Variants in TPST1 observed in about 807,000 individuals in gnomAD.
TPST1 encodes protein-tyrosine sulfotransferase 1.
TPST1 carries 20 observed loss-of-function variants against 34.8 expected under a neutral mutation model. That is an observed-to-expected ratio of 0.57 (90% CI 0.40 to 0.84). TPST1 has a LOEUF of 0.84. Among genes scored for constraint, TPST1 ranks in the 40% least tolerant of loss-of-function variants. The probability of loss-of-function intolerance (pLI) is 0.00; values close to 1 mark genes in which losing one functional copy is unlikely to be tolerated. For synonymous variants in TPST1, 152 were observed against 159.4 expected, an observed-to-expected ratio of 0.95 and a Z score of 0.35; for missense variants, 353 against 455.5, an observed-to-expected ratio of 0.78 and a Z score of 2.05.
At position 66,234,581 on chromosome 7, in the gene TPST1, C is replaced by A. The variant is rs189589706; in HGVS notation, c.-101-5744C>A. On this transcript the variant is annotated intron_variant, in intron 1 of 5. Coordinates refer to ENST00000304842, the MANE Select transcript of TPST1 (RefSeq NM_003596.4). ...GTGCTTGGAATTGCCAAGATGTGTC[C>A]AGATTGGGTCTGTTACCATTTGTTT... 2.2e-3 allele frequency among the ~76,000 whole-genome samples: 336 copies of A among 152,250 alleles called. 2 individuals carry two copies. Among genetic ancestry groups the A allele is most frequent in the African/African-American group, 7.7e-3 (319 of 41,544 alleles).
intron 3 of TPST1, among the ~76,000 whole-genome samples, chr7:66,351,646 C>T (rs150841758): frequency 1.1e-3 from 159 of 147,394 alleles, no homozygotes; most frequent in African/African-American, 3.7e-3. Context: ...CTTTTACAAT[C>T]AAGTTGAAAT....
rs1284933257 is a variant in TPST1 at position 66,332,999 on chromosome 7, G to A, written c.1045-19506G>A. Among the ~76,000 whole-genome samples the A allele has an allele frequency of 6.6e-6, 1 of 152,184 alleles. No individual in the cohort carries two copies. Among genetic ancestry groups the A allele is most frequent in the Non-Finnish European group, 1.5e-5 (1 of 68,026 alleles). ...CTTAGTAAGGGTAAGAAAGCTAAGA[G>A]TGGCCTGAGGACAGATGACAAACAT... On this transcript the variant is annotated intron_variant, in intron 3 of 5. Coordinates refer to ENST00000304842, the MANE Select transcript of TPST1 (RefSeq NM_003596.4). This position sits in a 1 kb window ranked among gnomAD's most constrained non-coding sequence, Gnocchi z 4.5.
chr7:66,278,616 C>G (rs1437058441), intron 2 of TPST1, among the ~76,000 whole-genome samples: 1 of 152,044 alleles, frequency 6.6e-6, no homozygotes, highest in Non-Finnish European at 1.5e-5. Flanking sequence ...AACCCCATTT[C>G]TACTAAATAT....
intron 2 of TPST1, among the ~76,000 whole-genome samples, chr7:66,274,757 T>A (rs1436325374): frequency 6.6e-6 from 1 of 151,950 alleles, no homozygotes; most frequent in Non-Finnish European, 1.5e-5. Context: ...TCTAAAAAAA[T>A]GGGCAAAGAA....
chr7:66,242,666 T>C (rs1790060460), intron 2 of TPST1, among the ~76,000 whole-genome samples: 2 of 152,234 alleles, frequency 1.3e-5, no homozygotes, highest in Admixed American at 1.3e-4. Flanking sequence ...GTCTTTGTGC[T>C]TGTATGTTGG....
rs922837362 is a variant in TPST1, at chr7:66,207,138, CAT to C, written c.-102+1620_-102+1621del. Among the ~76,000 whole-genome samples, 5 of 152,172 alleles carry C rather than the reference CAT, an allele frequency of 3.3e-5. No individual in the cohort carries two copies. In the East Asian group the frequency reaches 9.6e-4, roughly 29 times the overall value. ...GCTCCCAAGGCAGACTGGCAAAAAT[CAT>C]ATAACTAAACTGCTGGGTGCTGTTT... On this transcript the variant is annotated intron_variant, in intron 1 of 5. Coordinates refer to ENST00000304842, the MANE Select transcript of TPST1 (RefSeq NM_003596.4).
chr7:66,282,120 C>G (rs1039952074), intron 2 of TPST1, among the ~76,000 whole-genome samples: 1 of 151,992 alleles, frequency 6.6e-6, no homozygotes, highest in African/African-American at 2.4e-5. Context: ...TAGTTCATAC[C>G]GTAGTATGCT....
chr7:66,330,478 A>G (rs541341565), intron 3 of TPST1, among the ~76,000 whole-genome samples: 4 of 152,336 alleles, frequency 2.6e-5, no homozygotes, highest in African/African-American at 7.2e-5. Flanking sequence ...TGTAAACACC[A>G]AGAAGAAACC....
intron 1 of TPST1, among the ~76,000 whole-genome samples, chr7:66,223,332 A>G (rs1789582900): frequency 6.6e-6 from 1 of 151,536 alleles, no homozygotes; most frequent in Non-Finnish European, 1.5e-5. Context: ...TATGGTTTGC[A>G]TGCCCCTGCA....
intron 1 of TPST1, among the ~76,000 whole-genome samples, chr7:66,220,650 G>T (rs1423739325): frequency 6.7e-6 from 1 of 149,328 alleles, no homozygotes; most frequent in Non-Finnish European, 1.5e-5. Flanking sequence ...GTGGATGACA[G>T]TGGCACTGGG....
chr7:66,260,588 A>G (rs2115708806), intron 2 of TPST1, among the ~76,000 whole-genome samples: 1 of 152,260 alleles, frequency 6.6e-6, no homozygotes, highest in Admixed American at 6.5e-5. Context: ...TGCATGCCTG[A>G]TAATATTTGG....
chr7:66,232,200 AAT>A (rs753088229), intron 1 of TPST1, among the ~76,000 whole-genome samples: 7 of 127,732 alleles, frequency 5.5e-5, no homozygotes, highest in Admixed American at 7.8e-5. Flanking sequence ...TATTAAAAAA[AAT>A]TTTTTTTTTT....
intron 2 of TPST1, among the ~76,000 whole-genome samples, chr7:66,259,645 A>C (rs1192231852): frequency 6.6e-6 from 1 of 152,108 alleles, no homozygotes; most frequent in Non-Finnish European, 1.5e-5. Context: ...GCAAACTTGA[A>C]CAGAAAGTGT....
At chr7:66,234,062 T>C (rs528449472) in intron 1 of TPST1, among the ~76,000 whole-genome samples, 1 of 152,336 alleles carries the variant, frequency 6.6e-6, no homozygotes, top group African/African-American at 2.4e-5. Context: ...TTCACCATTT[T>C]GGCCAGGCTG....
Position 66,243,610 on chromosome 7 carries a change from AT to A in TPST1, c.845+2358del, listed in dbSNP as rs10627680. On this transcript the variant is annotated intron_variant, in intron 2 of 5. Transcript: ENST00000304842. ...AGGCACGCATCACCATGCCCAGCTA[AT>A]TTTTTTTTTTTTTTTTTGTATTTTT... is the stretch of plus-strand genomic sequence containing the variant. Among the ~76,000 whole-genome samples the A allele has an allele frequency of 1.2e-3, 153 of 123,360 alleles. 1 individual carries two copies. The highest frequency in any genetic ancestry group is 3.7e-3 in the East Asian group (16 of 4,374). 80.9% of individuals were successfully genotyped at this position (123,360 alleles called of 152,430 possible).
chr7:66,209,266 A>G (rs1789196184), intron 1 of TPST1, among the ~76,000 whole-genome samples: 2 of 152,218 alleles, frequency 1.3e-5, no homozygotes, highest in Admixed American at 6.5e-5. Context: ...TCAAAATTAA[A>G]GAAAAAAGAA....
At chr7:66,223,000 A>G (rs1789575274) in intron 1 of TPST1, among the ~76,000 whole-genome samples, 1 of 152,118 alleles carries the variant, frequency 6.6e-6, no homozygotes, top group South Asian at 2.1e-4. Flanking sequence ...GACAGAACTG[A>G]AGCTTAATGA....
At chr7:66,239,884 T>G (rs1251794441) in intron 1 of TPST1, among the ~76,000 whole-genome samples, 3 of 152,108 alleles carry the variant, frequency 2.0e-5, no homozygotes, top group Non-Finnish European at 4.4e-5. Context: ...TTTGTTTTGT[T>G]TTGTTTTGTT....
chr7:66,230,722 G>A (rs1439444030), intron 1 of TPST1, among the ~76,000 whole-genome samples: 1 of 152,176 alleles, frequency 6.6e-6, no homozygotes, highest in Non-Finnish European at 1.5e-5. Context: ...AGCTTCCACA[G>A]TGTGGAAGGG....
Sources: gnomAD v4.1 joint callset for allele counts (sites outside exome capture counted in the v4.1 genomes callset) on GRCh38, gnomAD v4.1.1 for gene constraint, Gnocchi (gnomAD v3.1) non-coding constraint, MANE v1.5 for transcripts, NCBI Gene and HGNC (gene_info 2026-07-23, HGNC 2026-07-21) for gene names.